Variants in ZNF385C observed in about 807,000 individuals in gnomAD.
The protein encoded by ZNF385C is CTD-2132N18.2.
A neutral mutation model predicts 35.4 loss-of-function variants in ZNF385C; 28 were observed. The ratio of observed to expected loss-of-function variants is 0.79; its 90% CI spans 0.59 to 1.08. The LOEUF (loss-of-function observed/expected upper bound fraction) is 1.08. Ranked by LOEUF, ZNF385C falls within the 50% of genes least tolerant of loss-of-function variation. ZNF385C has a pLI of 0.00. For missense variants in ZNF385C, 605 were observed against 595.6 expected (o/e 1.02, Z -0.16); for synonymous variants, 248 against 248.2 (o/e 1.00, Z 0.01).
Position 42,028,219 on chromosome 17 carries a change from C to T in ZNF385C, c.995G>A (p.Gly332Asp), listed in dbSNP as rs1555654555. The change falls in exon 7 of 9, where the codon GGT becomes GAT. Residue 332 changes from glycine (G) to aspartate (D), a missense_variant. Transcript: ENST00000692273. The stretch of plus-strand genomic sequence containing the variant: ...GCTCCTCCGGGGAGCCCCTCGCTGA[C>T]CTTCCATCATCCACCGGTGCTTGGC... ...TGAKHRWMME[G>D]QRGAPRRSRG... is the part of the protein sequence containing the mutation. The T allele has an allele frequency of 6.5e-7, 1 of 1,550,364 alleles. No individual in the cohort carries two copies. The highest frequency in any genetic ancestry group is 8.7e-7 in the Non-Finnish European group (1 of 1,151,550).
chr17:42,075,070 A>T lies in ZNF385C; in HGVS notation c.-2-12012T>A, dbSNP rs554228038. ...AGATCTGCTGCCTGGTAACACAGAAAACGTGCACTCCACCTTCCACAGCCA... is the reference window on the plus strand; with the variant it reads ...AGATCTGCTGCCTGGTAACACAGAATACGTGCACTCCACCTTCCACAGCCA... On this transcript the variant is annotated intron_variant, in intron 1 of 8. Transcript: ENST00000692273. 5.3e-5 allele frequency among the ~76,000 whole-genome samples: 8 copies of T among 152,218 alleles called. No homozygotes were observed. The East Asian group carries it at 1.5e-3, about 29-fold the overall frequency.
intron 6 of ZNF385C, 24 bp downstream of exon 6, chr17:42,028,759 G>T (rs1419299239): frequency 6.5e-7 from 1 of 1,536,922 alleles, no homozygotes; most frequent in East Asian, 2.5e-5. Context: ...CTTTCCCTGG[G>T]CTCCAGCTCC....
At chr17:42,034,150 A>T in intron 4 of ZNF385C, 75 bp downstream of exon 4, 1 of 1,179,010 alleles carries the variant, frequency 8.5e-7, no homozygotes, top group Non-Finnish European at 1.2e-6. Context: ...TCCCAGAAGG[A>T]CTCTGAAAGC....
At chr17:42,039,635 G>A (rs2052956436) in intron 2 of ZNF385C, 10 of 1,205,618 alleles carry the variant, frequency 8.3e-6, no homozygotes, top group Non-Finnish European at 1.0e-5. Context: ...GTGCAGCATG[G>A]TCAAGTCTAG....
At position 42,027,676 on chromosome 17, in the gene ZNF385C, G is replaced by A; in HGVS notation, c.1217C>T (p.Pro406Leu). Residue 406 changes from proline (P) to leucine (L), a missense_variant, in exon 8 of 9, where the codon CCC becomes CTC. Coordinates refer to ENST00000692273, the MANE Select transcript of ZNF385C (RefSeq NM_001392013.1). ...KDRLAGKTPK[P>L]SSQHSKLQKH... Reference sequence around the variant, plus strand: ...CTGCAGCTTGCTGTGCTGGCTGGAGGGCTTGGGGGTCTTCCCGGCCAGGCG... The same window carrying A: ...CTGCAGCTTGCTGTGCTGGCTGGAGAGCTTGGGGGTCTTCCCGGCCAGGCG... 1 of 1,612,294 alleles carries A rather than the reference G, an allele frequency of 6.2e-7. No individual in the cohort carries two copies. Among genetic ancestry groups the A allele is most frequent in the Non-Finnish European group, 8.5e-7 (1 of 1,179,396 alleles).
chr17:42,069,622 C>G (rs73986513), intron 1 of ZNF385C, among the ~76,000 whole-genome samples: 4,309 of 152,342 alleles, frequency 0.028, 129 homozygotes, highest in African/African-American at 0.077. Flanking sequence ...TACCCTCTGG[C>G]ATTTTCCTCC....
chr17:42,046,628 C>T (rs1488345929), intron 2 of ZNF385C, among the ~76,000 whole-genome samples: 1 of 151,514 alleles, frequency 6.6e-6, no homozygotes, highest in Non-Finnish European at 1.5e-5. Context: ...AAATTTTAAA[C>T]TAAAAATAAA....
At chr17:42,080,932 T>C (rs1462899088) in intron 1 of ZNF385C, among the ~76,000 whole-genome samples, 1 of 152,188 alleles carries the variant, frequency 6.6e-6, no homozygotes, top group Non-Finnish European at 1.5e-5. Flanking sequence ...AGTCCTTACC[T>C]CTCTGATCTA....
chr17:42,040,640 C>T (rs562109508), intron 2 of ZNF385C: 1 of 1,232,296 alleles, frequency 8.1e-7, no homozygotes, highest in South Asian at 4.1e-5. Flanking sequence ...CAGGCCTCGG[C>T]CACTGCTTCC....
chr17:42,027,648 C>A lies in ZNF385C; in HGVS notation c.1245G>T (p.Lys415Asn), dbSNP rs1313260274. The A allele has an allele frequency of 1.3e-6, 2 of 1,526,554 alleles. No individual in the cohort carries two copies. Among genetic ancestry groups the A allele is most frequent in the Admixed American group, 1.8e-5 (1 of 55,242 alleles). The allele number at this position is 1,526,554 out of a possible 1,614,324, so 94.6% of individuals were successfully genotyped here. Residue 415 changes from lysine (K) to asparagine (N), a missense_variant, in exon 8 of 9, where the codon AAG becomes AAT. Lys to Asn is a moderately conservative substitution (Grantham distance 94). Coordinates refer to ENST00000692273, the MANE Select transcript of ZNF385C (RefSeq NM_001392013.1). Reference sequence around the variant, plus strand: ...GGATACTCACAGCCAGCGCTGCGTGCTTCTGCAGCTTGCTGTGCTGGCTGG... The same window carrying A: ...GGATACTCACAGCCAGCGCTGCGTGATTCTGCAGCTTGCTGTGCTGGCTGG... Reference protein sequence around the residue: ...KPSSQHSKLQKHAALAVSILK... With the variant: ...KPSSQHSKLQNHAALAVSILK...
chr17:42,075,642 C>T (rs1480293238), intron 1 of ZNF385C, among the ~76,000 whole-genome samples: 1 of 151,968 alleles, frequency 6.6e-6, no homozygotes, highest in African/African-American at 2.4e-5. Context: ...CTACAGGCGC[C>T]CACCACCACG....
At chr17:42,045,922 T>C (rs1208004577) in intron 2 of ZNF385C, among the ~76,000 whole-genome samples, 1 of 152,218 alleles carries the variant, frequency 6.6e-6, no homozygotes, top group Non-Finnish European at 1.5e-5. Context: ...CCGCCATTCC[T>C]GTCTGCCCAA....
At chr17:42,068,789 C>T (rs73309799) in intron 1 of ZNF385C, among the ~76,000 whole-genome samples, 1 of 152,310 alleles carries the variant, frequency 6.6e-6, no homozygotes, top group African/African-American at 2.4e-5. Context: ...GACTCAAAGC[C>T]CAAGTCCTTA....
At chr17:42,034,142 C>T (rs1244937871) in intron 4 of ZNF385C, 83 bp downstream of exon 4, 1 of 1,126,576 alleles carries the variant, frequency 8.9e-7, no homozygotes, top group Non-Finnish European at 1.3e-6. Flanking sequence ...GATATTCCTC[C>T]CAGAAGGACT....
Position 42,050,013 on chromosome 17 carries a change from C to T in ZNF385C, c.251-12128G>A, listed in dbSNP as rs1488523080. Among the ~76,000 whole-genome samples, 2 of 152,218 alleles carry T rather than the reference C, an allele frequency of 1.3e-5. No individual in the cohort carries two copies. Among genetic ancestry groups the T allele is most frequent in the African/African-American group, 2.4e-5 (1 of 41,454 alleles). On this transcript the variant is annotated intron_variant, in intron 2 of 8. Coordinates refer to ENST00000692273, the MANE Select transcript of ZNF385C (RefSeq NM_001392013.1). This position sits in a 1 kb window ranked among gnomAD's most constrained non-coding sequence, Gnocchi z 5.6. ...ACAGGTCAAATTCCATTGACATTCTCCCCACCTCAACCTCAAGGAAACAGG... is the reference window on the plus strand; with the variant it reads ...ACAGGTCAAATTCCATTGACATTCTTCCCACCTCAACCTCAAGGAAACAGG...
At chr17:42,039,389 A>C in intron 2 of ZNF385C, 1 of 283,990 alleles carries the variant, frequency 3.5e-6, no homozygotes. Context: ...GGGGGACCCA[A>C]ACTTGCCCCG....
intron 1 of ZNF385C, 54 bp from the exon 2 acceptor site, chr17:42,063,112 A>C: frequency 1.8e-6 from 1 of 571,348 alleles, no homozygotes; most frequent in Non-Finnish European, 3.1e-6. Context: ...GAATTCTTAG[A>C]GAGAGCAGGA....
chr17:42,056,121 C>T (rs1555657540), intron 2 of ZNF385C, among the ~76,000 whole-genome samples: 1 of 152,238 alleles, frequency 6.6e-6, no homozygotes. Context: ...GCCCTCCTCT[C>T]CCCTCTTGTG....
intron 1 of ZNF385C, among the ~76,000 whole-genome samples, chr17:42,076,615 C>T (rs548022391): frequency 6.6e-6 from 1 of 151,828 alleles, no homozygotes; most frequent in African/African-American, 2.4e-5. Flanking sequence ...AAATGAGACT[C>T]TGTCTCAAAC....
Sources: allele counts gnomAD v4.1 joint callset (sites outside exome capture counted in the v4.1 genomes callset), GRCh38; gene constraint gnomAD v4.1.1; non-coding constraint Gnocchi (gnomAD v3.1); transcripts MANE v1.5; gene names NCBI Gene and HGNC (gene_info 2026-07-23, HGNC 2026-07-21).